POLK: variants seen among roughly 807,000 people sequenced by gnomAD.
POLK encodes the protein polymerase (DNA directed) kappa.
A neutral mutation model predicts 94.0 loss-of-function variants in POLK; 76 were observed. The ratio of observed to expected loss-of-function variants is 0.81; its 90% CI spans 0.67 to 0.98. The LOEUF (loss-of-function observed/expected upper bound fraction) is 0.98. Ranked by LOEUF, POLK falls within the 50% of genes least tolerant of loss-of-function variation. The probability of loss-of-function intolerance (pLI) is 0.00; values close to 1 mark genes in which losing one functional copy is unlikely to be tolerated. For missense variants in POLK, 954 were observed against 1,010.1 expected (o/e 0.94, Z 0.75); for synonymous variants, 349 against 325.4 (o/e 1.07, Z -0.78).
chr5:75,530,834 G>A (rs898986912), intron 1 of POLK, among the ~76,000 whole-genome samples: 14 of 142,094 alleles, frequency 9.9e-5, no homozygotes, highest in African/African-American at 3.7e-4. Flanking sequence ...TTGAGTTGGA[G>A]TCTCGCTCTG....
downstream of POLK, among the ~76,000 whole-genome samples, chr5:75,602,259 G>A (rs1773311844): frequency 6.6e-6 from 1 of 152,212 alleles, no homozygotes; most frequent in Admixed American, 6.5e-5. Flanking sequence ...CCCCAGGGGT[G>A]TAGTGATACC....
chr5:75,547,071 C>CT lies in POLK; in HGVS notation c.51dup (p.Arg18Ter). The CT allele has an allele frequency of 6.6e-7, 1 of 1,525,900 alleles. No individual in the cohort carries two copies. Among genetic ancestry groups the CT allele is most frequent in the East Asian group, 2.3e-5 (1 of 42,592 alleles). 94.5% of individuals were successfully genotyped at this position (1,525,900 alleles called of 1,614,324 possible). A position where few individuals can be genotyped will look rare whatever the true frequency, so the allele number is the denominator to read the frequency against. ...TGACAGTTACAAAGATGATCTTCTGCTTAGGATGGGACTTAATGATAATAA... is the reference window on the plus strand; with the variant it reads ...TGACAGTTACAAAGATGATCTTCTGCTTTAGGATGGGACTTAATGATAATAA... On this transcript the variant is annotated frameshift_variant, in exon 2 of 15. Transcript: ENST00000241436. LOFTEE classifies it high-confidence loss of function.
intron 2 of POLK, among the ~76,000 whole-genome samples, chr5:75,551,666 C>T (rs5744602): frequency 0.012 from 1,800 of 152,212 alleles, 34 homozygotes; most frequent in African/African-American, 0.042. Flanking sequence ...CAAAGAGATG[C>T]CATTCATGCT....
At chr5:75,576,133 T>C (rs1771861643) in intron 5 of POLK, among the ~76,000 whole-genome samples, 1 of 152,178 alleles carries the variant, frequency 6.6e-6, no homozygotes, top group Admixed American at 6.6e-5. Flanking sequence ...CCTAAGATGT[T>C]ACTCCAGACT....
At chr5:75,548,422 A>G (rs915918029) in intron 2 of POLK, among the ~76,000 whole-genome samples, 2 of 151,150 alleles carry the variant, frequency 1.3e-5, no homozygotes, top group African/African-American at 4.8e-5. Context: ...GTTATAAAAG[A>G]ATTCTTTAAT....
At chr5:75,540,391 C>T (rs540273489) in intron 1 of POLK, among the ~76,000 whole-genome samples, 1 of 151,884 alleles carries the variant, frequency 6.6e-6, no homozygotes, top group Non-Finnish European at 1.5e-5. Flanking sequence ...ACTGCGGCTT[C>T]GAACTCCTGG....
chr5:75,524,886 C>T (rs922963975), intron 1 of POLK, among the ~76,000 whole-genome samples: 1 of 152,186 alleles, frequency 6.6e-6, no homozygotes, highest in Non-Finnish European at 1.5e-5. Context: ...AATGGAAATT[C>T]TAAATGCTGT....
At chr5:75,578,899 C>T (rs2112808454) in intron 6 of POLK, among the ~76,000 whole-genome samples, 1 of 152,338 alleles carries the variant, frequency 6.6e-6, no homozygotes, top group Admixed American at 6.5e-5. Flanking sequence ...AAATACCATA[C>T]ACTTTTTAGC....
intron 12 of POLK, among the ~76,000 whole-genome samples, chr5:75,595,273 A>AAAAAAAAAAAAAAAC (rs1773015975): frequency 6.7e-6 from 1 of 148,740 alleles, no homozygotes; most frequent in Non-Finnish European, 1.5e-5. Flanking sequence ...AAAAAAAAAA[A>AAAAAAAAAAAAAAAC]GCCCAAGAGC....
chr5:75,519,556 A>G (rs531641042), intron 1 of POLK, among the ~76,000 whole-genome samples: 3 of 152,270 alleles, frequency 2.0e-5, no homozygotes, highest in Admixed American at 2.0e-4. Flanking sequence ...AGACTTGGGT[A>G]TTCTGGTATT....
chr5:75,525,419 A>G (rs1263007859), intron 1 of POLK, among the ~76,000 whole-genome samples: 1 of 152,224 alleles, frequency 6.6e-6, no homozygotes, highest in Non-Finnish European at 1.5e-5. Context: ...TGGAAATGAC[A>G]GAGGAATTGG....
At chr5:75,528,037 A>C (rs992968208) in intron 1 of POLK, among the ~76,000 whole-genome samples, 2 of 152,228 alleles carry the variant, frequency 1.3e-5, no homozygotes, top group African/African-American at 4.8e-5. Context: ...AAGTTCAGCC[A>C]TCCCCAAGTG....
At chr5:75,572,727 A>G (rs1193353152) in intron 4 of POLK, among the ~76,000 whole-genome samples, 1 of 152,158 alleles carries the variant, frequency 6.6e-6, no homozygotes, top group East Asian at 1.9e-4. Flanking sequence ...GGGTCATGGT[A>G]TCAAAATACC....
chr5:75,527,607 T>G lies in POLK; in HGVS notation c.-14+15693T>G, dbSNP rs542731731. Among the ~76,000 whole-genome samples, 25 of 152,142 alleles carry G rather than the reference T, an allele frequency of 1.6e-4. 1 individual carries two copies. The South Asian group carries it at 4.8e-3, about 29-fold the overall frequency. On this transcript the variant is annotated intron_variant, in intron 1 of 14. Transcript: ENST00000241436. ...TGTGTGTATATATATAGTTTTATTC[T>G]TAGATCAACTGTTTGGACTTTACTG... is the stretch of plus-strand genomic sequence containing the variant.
rs189876787 is a variant in POLK, at chr5:75,533,204, T to C, written c.-13-13806T>C. Reference sequence around the variant, plus strand: ...TATTTCCTAGGTTATCTTCCAGGGTTTTTATGGTTTTAGGTTTTACATTTA... The same window carrying C: ...TATTTCCTAGGTTATCTTCCAGGGTCTTTATGGTTTTAGGTTTTACATTTA... On this transcript the variant is annotated intron_variant, in intron 1 of 14. Transcript: ENST00000241436. Among the ~76,000 whole-genome samples, 35 of 152,334 alleles carry C rather than the reference T, an allele frequency of 2.3e-4. No homozygotes were observed. The East Asian group carries it at 5.6e-3, about 24-fold the overall frequency.
intron 11 of POLK, 178 bp downstream of exon 11, chr5:75,590,618 A>G: frequency 3.6e-6 from 2 of 560,660 alleles, no homozygotes; most frequent in Non-Finnish European, 6.4e-6. Context: ...CCATATCTGG[A>G]GTCTGTGATG....
chr5:75,603,948 A>G (rs1773358867), downstream of POLK, among the ~76,000 whole-genome samples: 1 of 152,068 alleles, frequency 6.6e-6, no homozygotes, highest in African/African-American at 2.4e-5. Context: ...GTTTCTCCCT[A>G]CCAGATTGTA....
At chr5:75,561,326 A>G (rs1236837232) in intron 3 of POLK, among the ~76,000 whole-genome samples, 1 of 152,018 alleles carries the variant, frequency 6.6e-6, no homozygotes, top group African/African-American at 2.4e-5. Flanking sequence ...GTCTCTTCAT[A>G]TCCTTTGCCT....
chr5:75,523,084 C>T (rs1228026557), intron 1 of POLK, among the ~76,000 whole-genome samples: 3 of 152,000 alleles, frequency 2.0e-5, no homozygotes, highest in African/African-American at 4.8e-5. Flanking sequence ...TAATTCATTA[C>T]AAAATAAGAA....
Sources: gnomAD v4.1 joint callset for allele counts (sites outside exome capture counted in the v4.1 genomes callset) on GRCh38, gnomAD v4.1.1 for gene constraint, MANE v1.5 for transcripts, NCBI Gene and HGNC (gene_info 2026-07-23, HGNC 2026-07-21) for gene names.